The following CNTNAP2 variants were observed in gnomAD, a reference collection of about 807,000 sequenced individuals.
The protein encoded by CNTNAP2 is contactin associated protein 2.
In CNTNAP2, 98 loss-of-function variants were observed where a neutral mutation model predicts 155.2. The ratio of observed to expected loss-of-function variants is 0.63; its 90% CI spans 0.54 to 0.75. The LOEUF is 0.75. Among genes scored for constraint, CNTNAP2 ranks in the 30% least tolerant of loss-of-function variants. The probability of loss-of-function intolerance (pLI) is 0.00; values close to 1 mark genes in which losing one functional copy is unlikely to be tolerated. For synonymous variants in CNTNAP2, 651 were observed against 631.2 expected (o/e 1.03, Z -0.47); for missense variants, 1,727 against 1,688.1 (o/e 1.02, Z -0.40).
intron 1 of CNTNAP2, among the ~76,000 whole-genome samples, chr7:146,295,565 C>G (rs1471659783): frequency 2.0e-5 from 3 of 151,852 alleles, no homozygotes; most frequent in Non-Finnish European, 2.9e-5. Flanking sequence ...ACATATTATA[C>G]CCCCATTCAC....
At chr7:146,987,502 T>C (rs1204710957) in intron 3 of CNTNAP2, among the ~76,000 whole-genome samples, 4 of 152,084 alleles carry the variant, frequency 2.6e-5, no homozygotes, top group Non-Finnish European at 5.9e-5. Flanking sequence ...ATGATAATCA[T>C]GTTAATAAAG....
chr7:148,022,788 G>A (rs544990922), intron 15 of CNTNAP2, among the ~76,000 whole-genome samples: 2 of 152,174 alleles, frequency 1.3e-5, no homozygotes, highest in South Asian at 4.2e-4. Context: ...TGTGTCTGCA[G>A]TTTCTCTTGT....
chr7:146,822,251 CAT>C (rs989994713), intron 2 of CNTNAP2, among the ~76,000 whole-genome samples: 4 of 152,000 alleles, frequency 2.6e-5, no homozygotes, highest in Admixed American at 6.6e-5. Context: ...TGTTCTCACT[CAT>C]ATGTGGGAAT....
intron 1 of CNTNAP2, among the ~76,000 whole-genome samples, chr7:146,597,671 G>A: frequency 6.6e-6 from 1 of 151,946 alleles, no homozygotes; most frequent in East Asian, 1.9e-4. Context: ...CGACATTATG[G>A]ACATTTCTGG....
intron 22 of CNTNAP2, among the ~76,000 whole-genome samples, chr7:148,401,893 C>G (rs1198303230): frequency 6.6e-6 from 1 of 152,096 alleles, no homozygotes; most frequent in Non-Finnish European, 1.5e-5. Context: ...CCACTGTGCC[C>G]GGCCTAATGA....
intron 8 of CNTNAP2, among the ~76,000 whole-genome samples, chr7:147,204,642 G>T (rs1802983265): frequency 6.6e-6 from 1 of 151,880 alleles, no homozygotes; most frequent in Non-Finnish European, 1.5e-5. Flanking sequence ...TAGTGTTGAT[G>T]ATTTATATTT....
chr7:146,525,841 C>A (rs768139154), intron 1 of CNTNAP2, among the ~76,000 whole-genome samples: 21 of 152,144 alleles, frequency 1.4e-4, no homozygotes, highest in Non-Finnish European at 2.8e-4. Context: ...GCTCCCTTAC[C>A]TCATCAGTGC....
chr7:146,686,954 C>G (rs552881407), intron 1 of CNTNAP2, among the ~76,000 whole-genome samples: 1 of 152,254 alleles, frequency 6.6e-6, no homozygotes, highest in East Asian at 1.9e-4. Flanking sequence ...AAATGAAGCA[C>G]TATGTTGATG....
chr7:148,019,395 T>C (rs1802238028), intron 15 of CNTNAP2, among the ~76,000 whole-genome samples: 1 of 152,148 alleles, frequency 6.6e-6, no homozygotes. Context: ...CCTCCCAATA[T>C]CTTATTGATT....
chr7:146,351,691 T>C lies in CNTNAP2; in HGVS notation c.97+234718T>C, dbSNP rs1001375447. On this transcript the variant is annotated intron_variant, in intron 1 of 23. Transcript: ENST00000361727. ...AAAACTCAGTTCCTGTTTATTGTTTTAACTTTGTGCTTTTTCTAAGTTAAA... is the reference window on the plus strand; with the variant it reads ...AAAACTCAGTTCCTGTTTATTGTTTCAACTTTGTGCTTTTTCTAAGTTAAA... Among the ~76,000 whole-genome samples the C allele has an allele frequency of 1.6e-4, 25 of 152,240 alleles. 1 individual carries two copies. Among genetic ancestry groups the C allele is most frequent in the Admixed American group, 1.6e-3 (24 of 15,272 alleles).
rs185574937 is a variant in CNTNAP2, at chr7:147,642,024, G to A, written c.2098+2718G>A. On this transcript the variant is annotated intron_variant, in intron 13 of 23. Coordinates refer to ENST00000361727, the MANE Select transcript of CNTNAP2 (RefSeq NM_014141.6). ...TGTGTGTGTGTGCGTGTGTGTGTGT[G>A]TGTGTGTTTTAACTGGATTCTGTTT... Among the ~76,000 whole-genome samples the A allele has an allele frequency of 6.7e-4, 102 of 151,948 alleles. 1 individual carries two copies. The highest frequency in any genetic ancestry group is 2.2e-3 in the African/African-American group (93 of 41,406).
At chr7:147,082,750 G>T (rs371831560) in intron 4 of CNTNAP2, 1 of 152,282 alleles carries the variant, frequency 6.6e-6, no homozygotes, top group East Asian at 1.9e-4. Context: ...GATTCAAAAA[G>T]CAAGGAAATT....
chr7:148,146,558 T>TA (rs1242224049), intron 16 of CNTNAP2, among the ~76,000 whole-genome samples: 3 of 152,094 alleles, frequency 2.0e-5, no homozygotes, highest in East Asian at 1.9e-4. Context: ...AGGTGATCTC[T>TA]AAAAAAAAGA....
At chr7:146,759,681 C>CAAAAAAAAAAAAAAAAAA (rs376817827) in intron 1 of CNTNAP2, among the ~76,000 whole-genome samples, 1 of 54,600 alleles carries the variant, frequency 1.8e-5, no homozygotes, top group African/African-American at 4.1e-5. Context: ...GTGAGACTGT[C>CAAAAAAAAAAAAAAAAAA]AAAAAAAAAA....
intron 10 of CNTNAP2, among the ~76,000 whole-genome samples, chr7:147,409,029 G>A (rs1797057542): frequency 6.6e-6 from 1 of 152,158 alleles, no homozygotes; most frequent in African/African-American, 2.4e-5. Flanking sequence ...AGAGAAACTG[G>A]TTTCAGAGTA....
chr7:147,117,430 G>A (rs956188450), intron 5 of CNTNAP2, among the ~76,000 whole-genome samples: 4 of 152,114 alleles, frequency 2.6e-5, no homozygotes, highest in Non-Finnish European at 5.9e-5. Flanking sequence ...TGGGTAGGCT[G>A]TAGCCCCATC....
chr7:147,062,352 ACAATGTCATTCC>A (rs946759117), intron 4 of CNTNAP2, among the ~76,000 whole-genome samples: 1 of 152,142 alleles, frequency 6.6e-6, no homozygotes, highest in Admixed American at 6.6e-5. Flanking sequence ...AGAATTATTC[ACAATGTCATTCC>A]CAATGTCACT....
At chr7:146,548,797 GGT>G (rs1491191234) in intron 1 of CNTNAP2, among the ~76,000 whole-genome samples, 7 of 74,488 alleles carry the variant, frequency 9.4e-5, no homozygotes, top group African/African-American at 3.5e-4. Context: ...CCATTCTCTA[GGT>G]TTTTTTTTTT....
intron 13 of CNTNAP2, among the ~76,000 whole-genome samples, chr7:147,766,716 T>C (rs1306371468): frequency 1.3e-5 from 2 of 152,148 alleles, no homozygotes; most frequent in Non-Finnish European, 2.9e-5. Flanking sequence ...TTAATTCTTT[T>C]GTACAAAATT....
Sources: gnomAD v4.1 joint callset for allele counts (sites outside exome capture counted in the v4.1 genomes callset) on GRCh38, gnomAD v4.1.1 for gene constraint, MANE v1.5 for transcripts, NCBI Gene and HGNC (gene_info 2026-07-23, HGNC 2026-07-21) for gene names.